GALNT13: variants seen among roughly 807,000 people sequenced by gnomAD.
GALNT13 encodes polypeptide N-acetylgalactosaminyltransferase 13, also known as UDP-GalNAc:polypeptide N-acetylgalactosaminyltransferase 13.
A neutral mutation model predicts 64.2 loss-of-function variants in GALNT13; 28 were observed. The observed-to-expected ratio is 0.44, with a 90% CI of 0.32 to 0.60. GALNT13 has a LOEUF of 0.60. Ranked by LOEUF, GALNT13 falls within the 20% of genes least tolerant of loss-of-function variation. GALNT13 has a pLI of 0.05. For missense variants in GALNT13, 577 were observed against 669.8 expected (o/e 0.86, Z 1.53); for synonymous variants, 214 against 224.6 (o/e 0.95, Z 0.42).
the GALNT13 span, among the ~76,000 whole-genome samples, chr2:153,220,229 G>A: frequency 2.6e-5 from 4 of 152,202 alleles, no homozygotes; most frequent in Non-Finnish European, 5.9e-5. Flanking sequence ...GGAATGTCAG[G>A]TGACCATCAG....
intron 3 of GALNT13, among the ~76,000 whole-genome samples, chr2:154,135,366 C>T (rs1354579388): frequency 6.6e-6 from 1 of 152,114 alleles, no homozygotes; most frequent in Non-Finnish European, 1.5e-5. Context: ...ATAGATGACA[C>T]CTTTCTGAGA....
chr2:153,220,556 G>C, the GALNT13 span, among the ~76,000 whole-genome samples: 2 of 152,182 alleles, frequency 1.3e-5, no homozygotes, highest in African/African-American at 2.4e-5. Flanking sequence ...CCTAAGGGAA[G>C]AATAAAAGGA....
chr2:154,339,807 C>T (rs1326848693), intron 9 of GALNT13, among the ~76,000 whole-genome samples: 2 of 152,002 alleles, frequency 1.3e-5, no homozygotes, highest in Non-Finnish European at 2.9e-5. Context: ...TGAGCTTTCT[C>T]TCTCTGTATA....
At chr2:153,995,784 C>T (rs1195046244) in intron 3 of GALNT13, among the ~76,000 whole-genome samples, 2 of 152,106 alleles carry the variant, frequency 1.3e-5, no homozygotes, top group South Asian at 2.1e-4. Flanking sequence ...TCCTCTCTAA[C>T]TGTAACTTTG....
chr2:154,163,127 C>T (rs1454431877), intron 4 of GALNT13, among the ~76,000 whole-genome samples: 2 of 99,328 alleles, frequency 2.0e-5, no homozygotes, highest in Non-Finnish European at 3.8e-5. Context: ...TGCTATCCCT[C>T]CCCCCTCCCC....
chr2:154,222,178 G>A (rs1213891943), intron 4 of GALNT13, among the ~76,000 whole-genome samples: 1 of 151,998 alleles, frequency 6.6e-6, no homozygotes, highest in East Asian at 1.9e-4. Flanking sequence ...AGGAAAGAAA[G>A]CATTGGGTAT....
intron 4 of GALNT13, among the ~76,000 whole-genome samples, chr2:154,167,226 A>G (rs1252864351): frequency 6.6e-6 from 1 of 152,214 alleles, no homozygotes; most frequent in African/African-American, 2.4e-5. Context: ...AATTGCAAAT[A>G]TGAGTAAGGC....
At chr2:154,364,367 G>A (rs1353022449) in intron 9 of GALNT13, among the ~76,000 whole-genome samples, 2 of 152,060 alleles carry the variant, frequency 1.3e-5, no homozygotes, top group Admixed American at 6.6e-5. Context: ...TTATCCTGTA[G>A]GAAATCATCA....
At chr2:154,380,011 A>C (rs1192081118) in intron 9 of GALNT13, among the ~76,000 whole-genome samples, 1 of 152,098 alleles carries the variant, frequency 6.6e-6, no homozygotes, top group Non-Finnish European at 1.5e-5. Flanking sequence ...AAATATTTCT[A>C]TTTATGTCTA....
At chr2:153,255,711 G>C in the GALNT13 span, among the ~76,000 whole-genome samples, 46 of 152,030 alleles carry the variant, frequency 3.0e-4, 2 homozygotes, top group Admixed American at 1.4e-3. Context: ...TATTTTATTT[G>C]TCCTTCACTT....
chr2:154,320,459 T>C (rs1694562599), intron 9 of GALNT13, among the ~76,000 whole-genome samples: 1 of 152,206 alleles, frequency 6.6e-6, no homozygotes, highest in African/African-American at 2.4e-5. Flanking sequence ...CTTCTGAGTA[T>C]AAATTCAGTA....
the GALNT13 span, among the ~76,000 whole-genome samples, chr2:153,630,294 T>C: frequency 6.6e-6 from 1 of 151,958 alleles, no homozygotes; most frequent in African/African-American, 2.4e-5. Context: ...GTGGCACATA[T>C]ACACCACGGA....
chr2:154,154,934 TTGTGTGTGTGTGTG>T (rs60456139), intron 4 of GALNT13, among the ~76,000 whole-genome samples: 4 of 149,410 alleles, frequency 2.7e-5, no homozygotes, highest in Admixed American at 6.7e-5. Context: ...TTGTTTATGT[TTGTGTGTGTGTGTG>T]TGTGTGTGTG....
At chr2:153,166,621 A>ATATGTGTG in the GALNT13 span, among the ~76,000 whole-genome samples, 2 of 122,662 alleles carry the variant, frequency 1.6e-5, no homozygotes, top group Non-Finnish European at 3.4e-5. Flanking sequence ...TGCCTACTGC[A>ATATGTGTG]TGTGTGTGTG....
chr2:153,461,210 TGTA>T, the GALNT13 span, among the ~76,000 whole-genome samples: 1 of 151,958 alleles, frequency 6.6e-6, no homozygotes, highest in Non-Finnish European at 1.5e-5. Context: ...AGGGGAAAAA[TGTA>T]GTCAGTTTTT....
the GALNT13 span, among the ~76,000 whole-genome samples, chr2:153,703,654 T>C: frequency 1.2e-4 from 19 of 152,284 alleles, no homozygotes; most frequent in African/African-American, 4.6e-4. Flanking sequence ...TAGTCCTTGA[T>C]ATCTGTTTCT....
intron 3 of GALNT13, among the ~76,000 whole-genome samples, chr2:153,995,313 TA>T (rs1695449022): frequency 1.3e-5 from 2 of 152,134 alleles, no homozygotes; most frequent in South Asian, 4.1e-4. Context: ...TCATTTTAAT[TA>T]AAACATTTAT....
chr2:154,069,554 GTTTC>G (rs1161716255), intron 3 of GALNT13, among the ~76,000 whole-genome samples: 1 of 151,786 alleles, frequency 6.6e-6, no homozygotes, highest in African/African-American at 2.4e-5. Context: ...ATTTAAGCAT[GTTTC>G]TTTTCTTTTG....
At chr2:154,390,946 T>G (rs946701474) in intron 9 of GALNT13, among the ~76,000 whole-genome samples, 5 of 152,192 alleles carry the variant, frequency 3.3e-5, no homozygotes, top group African/African-American at 1.2e-4. Context: ...TTTTGTTTTG[T>G]TCACAGATAT....
Sources: allele counts gnomAD v4.1 joint callset (sites outside exome capture counted in the v4.1 genomes callset), GRCh38; gene constraint gnomAD v4.1.1; transcripts MANE v1.5; gene names NCBI Gene and HGNC (gene_info 2026-07-23, HGNC 2026-07-21).